Variants in DYNC2H1 observed in about 807,000 individuals in gnomAD.
DYNC2H1 encodes the protein dynein cytoplasmic 2 heavy chain 1.
A neutral mutation model predicts 570.0 loss-of-function variants in DYNC2H1; 410 were observed. The ratio of observed to expected loss-of-function variants is 0.72; its 90% CI spans 0.66 to 0.78. The LOEUF (loss-of-function observed/expected upper bound fraction) is 0.78, where lower values mean the gene tolerates loss of function less well. Ranked by LOEUF, DYNC2H1 falls within the 30% of genes least tolerant of loss-of-function variation. The probability of loss-of-function intolerance (pLI) is 0.00; values close to 1 mark genes in which losing one functional copy is unlikely to be tolerated. For synonymous variants in DYNC2H1, 1,688 were observed against 1,677.6 expected, an observed-to-expected ratio of 1.01 and a Z score of -0.15; for missense variants, 4,865 against 5,046.4, an observed-to-expected ratio of 0.96 and a Z score of 1.09.
At position 103,304,657 on chromosome 11, in the gene DYNC2H1, T is replaced by C. The variant is rs773415647; in HGVS notation, c.11319T>C (p.Asn3773=). 2 of 1,613,392 alleles carry C rather than the reference T, an allele frequency of 1.2e-6. No homozygotes were observed. Among genetic ancestry groups the C allele is most frequent in the African/African-American group, 2.7e-5 (2 of 74,908 alleles). Residue 3773 remains asparagine, a synonymous_variant, in exon 77 of 89, where the codon AAT becomes AAC. Transcript: ENST00000375735. Reference sequence around the variant, plus strand: ...AAATGCTAAAAGAATGTGCCCGCAATGGAGACTGGCTCTGTTTGAAGAACT... The same window carrying C: ...AAATGCTAAAAGAATGTGCCCGCAACGGAGACTGGCTCTGTTTGAAGAACT... The part of the protein sequence containing the change: ...AIQMLKECAR[N]GDWLCLKNLH...
chr11:103,425,378 C>T (rs1159301147), intron 84 of DYNC2H1, among the ~76,000 whole-genome samples: 1 of 152,134 alleles, frequency 6.6e-6, no homozygotes. Context: ...TGACGGCCGC[C>T]TTCCACATTG....
Position 103,287,427 on chromosome 11 carries a change from C to T in DYNC2H1, c.11023-106C>T, listed in dbSNP as rs1349016113. The T allele has an allele frequency of 4.6e-6, 4 of 875,538 alleles. No homozygotes were observed. The African/African-American group carries it at 6.7e-5, about 15-fold the overall frequency. The allele number at this position is 875,538 out of a possible 1,614,324, so 54.2% of individuals were successfully genotyped here. A position where few individuals can be genotyped will look rare whatever the true frequency, so the allele number is the denominator to read the frequency against. On this transcript the variant is annotated intron_variant, in intron 74 of 88. Transcript: ENST00000375735. The stretch of plus-strand genomic sequence containing the variant: ...ATAATATGGAACAATGATAAGTGTT[C>T]CCATATTTAGTAAACATTTGTTTAA...
At chr11:103,148,946 A>G (rs1860384663) in intron 20 of DYNC2H1, among the ~76,000 whole-genome samples, 1 of 152,150 alleles carries the variant, frequency 6.6e-6, no homozygotes, top group African/African-American at 2.4e-5. Context: ...AATCCCAGCT[A>G]TTCAGGAGGC....
Position 103,219,913 on chromosome 11 carries a change from A to G in DYNC2H1, c.8833-2A>G, listed in dbSNP as rs2135147465. Reference sequence around the variant, plus strand: ...TGGAATGCCACTTAAATATTCTTATAGGATGCTAGTGAGCAAAAAACAGAA... The same window carrying G: ...TGGAATGCCACTTAAATATTCTTATGGGATGCTAGTGAGCAAAAAACAGAA... On this transcript the variant is annotated splice_acceptor_variant, in intron 55 of 88. Coordinates refer to ENST00000375735, the MANE Select transcript of DYNC2H1 (RefSeq NM_001377.3). LOFTEE classifies it high-confidence loss of function. The G allele has an allele frequency of 6.7e-7, 1 of 1,497,826 alleles. No individual in the cohort carries two copies. Among genetic ancestry groups the G allele is most frequent in the Non-Finnish European group, 8.9e-7 (1 of 1,120,460 alleles). The allele number at this position is 1,497,826 out of a possible 1,614,324, so 92.8% of individuals were successfully genotyped here.
At chr11:103,364,762 C>T (rs576757521) in intron 83 of DYNC2H1, among the ~76,000 whole-genome samples, 40 of 152,264 alleles carry the variant, frequency 2.6e-4, no homozygotes, top group Non-Finnish European at 5.3e-4. Flanking sequence ...GACTTTACCA[C>T]CACCACTGCC....
chr11:103,150,412 T>C (rs923605043), intron 20 of DYNC2H1, among the ~76,000 whole-genome samples: 16 of 152,164 alleles, frequency 1.1e-4, no homozygotes, highest in African/African-American at 3.6e-4. Context: ...TCTCCACTGA[T>C]TGATGATGTA....
rs906050400 is a variant in DYNC2H1 at position 103,181,109 on chromosome 11, A to T, written c.6348-648A>T. On this transcript the variant is annotated intron_variant, in intron 39 of 88. Coordinates refer to ENST00000375735, the MANE Select transcript of DYNC2H1 (RefSeq NM_001377.3). The surrounding 1 kb of genome is among the most constrained non-coding windows in gnomAD (Gnocchi z 5.0). Reference sequence around the variant, plus strand: ...TTCACCAATTGGATTTTGGTGAAATAATTGAATTTTACCCAGATAATTATG... The same window carrying T: ...TTCACCAATTGGATTTTGGTGAAATTATTGAATTTTACCCAGATAATTATG... Among the ~76,000 whole-genome samples, 29 of 151,760 alleles carry T rather than the reference A, an allele frequency of 1.9e-4. No homozygotes were observed. Among genetic ancestry groups the T allele is most frequent in the African/African-American group, 7.0e-4 (29 of 41,520 alleles).
chr11:103,429,948 C>CTG (rs1491430071), intron 84 of DYNC2H1, among the ~76,000 whole-genome samples: 2 of 152,012 alleles, frequency 1.3e-5, no homozygotes, highest in Admixed American at 1.3e-4. Context: ...GTTTCAGGCA[C>CTG]TGTGATAAGC....
At chr11:103,278,821 C>T (rs1485303612) in intron 70 of DYNC2H1, among the ~76,000 whole-genome samples, 1 of 151,906 alleles carries the variant, frequency 6.6e-6, no homozygotes, top group Non-Finnish European at 1.5e-5. Flanking sequence ...CCTGCCTTGG[C>T]CTCCCAAATT....
intron 82 of DYNC2H1, among the ~76,000 whole-genome samples, chr11:103,346,816 C>T (rs1163669948): frequency 6.6e-6 from 1 of 151,976 alleles, no homozygotes; most frequent in Non-Finnish European, 1.5e-5. Context: ...ATAAATATGG[C>T]AGGAATGATG....
intron 84 of DYNC2H1, among the ~76,000 whole-genome samples, chr11:103,416,516 ACC>A (rs1943289215): frequency 6.6e-6 from 1 of 152,194 alleles, no homozygotes; most frequent in Non-Finnish European, 1.5e-5. Flanking sequence ...CATATCTACA[ACC>A]ATCTGATGTT....
chr11:103,215,932 C>T, intron 55 of DYNC2H1, 74 bp downstream of exon 55: 1 of 1,497,548 alleles, frequency 6.7e-7, no homozygotes, highest in Non-Finnish European at 9.0e-7. Flanking sequence ...TGAAAAATAA[C>T]ATTTTCACTT....
chr11:103,120,824 C>T (rs973779500), intron 8 of DYNC2H1, 22 bp downstream of exon 8: 2 of 1,373,470 alleles, frequency 1.5e-6, no homozygotes, highest in Non-Finnish European at 1.9e-6. Context: ...AGATATTTCA[C>T]TTTTAATATT....
chr11:103,301,571 AG>A (rs1867048994), intron 75 of DYNC2H1, among the ~76,000 whole-genome samples: 1 of 152,016 alleles, frequency 6.6e-6, no homozygotes, highest in Non-Finnish European at 1.5e-5. Context: ...TTAGTTAAAA[AG>A]AAAATTTATA....
intron 11 of DYNC2H1, among the ~76,000 whole-genome samples, 152 bp from the exon 12 acceptor site, chr11:103,124,947 GA>G: frequency 6.6e-6 from 1 of 151,890 alleles, no homozygotes; most frequent in South Asian, 2.1e-4. Flanking sequence ...ATAATATATG[GA>G]AAAAACCCAC....
intron 88 of DYNC2H1, among the ~76,000 whole-genome samples, chr11:103,475,505 CA>C (rs1247156401): frequency 6.6e-6 from 1 of 152,056 alleles, no homozygotes; most frequent in Non-Finnish European, 1.5e-5. Flanking sequence ...GTGAGAATGC[CA>C]AAAATACTTG....
intron 53 of DYNC2H1, among the ~76,000 whole-genome samples, chr11:103,210,889 C>G (rs1863130061): frequency 6.6e-6 from 1 of 152,030 alleles, no homozygotes; most frequent in African/African-American, 2.4e-5. Context: ...TGGATTCTAA[C>G]TTGCAGGTGA....
chr11:103,443,507 G>C (rs1388609155), intron 85 of DYNC2H1, among the ~76,000 whole-genome samples: 2 of 151,670 alleles, frequency 1.3e-5, no homozygotes, highest in African/African-American at 4.8e-5. Context: ...ACTAACTGTT[G>C]TATACAATAA....
In DYNC2H1 at chr11:103,185,653, C is replaced by G. The variant is rs1007040573; in HGVS notation, c.6634-589C>G. ...AGTGTCATTTACTGCTTTCTCTATT[C>G]CGTCTCCCTTTCCATGGCTGTCCTG... On this transcript the variant is annotated intron_variant, in intron 41 of 88. Coordinates refer to ENST00000375735, the MANE Select transcript of DYNC2H1 (RefSeq NM_001377.3). This position sits in a 1 kb window ranked among gnomAD's most constrained non-coding sequence, Gnocchi z 4.5. Among the ~76,000 whole-genome samples the G allele has an allele frequency of 6.6e-6, 1 of 151,722 alleles. No individual in the cohort carries two copies. Among genetic ancestry groups the G allele is most frequent in the Non-Finnish European group, 1.5e-5 (1 of 67,844 alleles).
Sources: allele counts gnomAD v4.1 joint callset (sites outside exome capture counted in the v4.1 genomes callset), GRCh38; gene constraint gnomAD v4.1.1; non-coding constraint Gnocchi (gnomAD v3.1); transcripts MANE v1.5; gene names NCBI Gene and HGNC (gene_info 2026-07-23, HGNC 2026-07-21).